The following CORO2B variants were observed in gnomAD, a reference collection of about 807,000 sequenced individuals.
The protein encoded by CORO2B is coronin 2B.
A neutral mutation model predicts 58.8 loss-of-function variants in CORO2B; 26 were observed. The ratio of observed to expected loss-of-function variants is 0.44; its 90% CI spans 0.32 to 0.61. CORO2B has a LOEUF of 0.61. Ranked by LOEUF, CORO2B falls within the 20% of genes least tolerant of loss-of-function variation. CORO2B has a pLI of 0.04. For synonymous variants in CORO2B, 242 were observed against 253.8 expected (o/e 0.95, Z 0.44); for missense variants, 460 against 645.1 (o/e 0.71, Z 3.11).
intron 1 of CORO2B, among the ~76,000 whole-genome samples, chr15:68,595,309 C>T (rs958685610): frequency 3.9e-5 from 6 of 152,256 alleles, no homozygotes; most frequent in African/African-American, 9.6e-5. Flanking sequence ...TCCCTGAGAA[C>T]ACTGGCAGGA....
chr15:68,558,025 G>T, the CORO2B span, among the ~76,000 whole-genome samples: 1 of 151,590 alleles, frequency 6.6e-6, no homozygotes, highest in African/African-American at 2.4e-5. Context: ...TTGGGGCACA[G>T]TTAGGGGATC....
chr15:68,592,743 C>T (rs891389661), intron 1 of CORO2B, among the ~76,000 whole-genome samples: 3 of 152,202 alleles, frequency 2.0e-5, no homozygotes, highest in African/African-American at 4.8e-5. Context: ...ACAGTATGTA[C>T]GGAATGTACA....
intron 3 of CORO2B, among the ~76,000 whole-genome samples, chr15:68,698,582 C>T (rs541475509): frequency 1.5e-4 from 23 of 152,324 alleles, no homozygotes; most frequent in Admixed American, 1.1e-3. Flanking sequence ...TGACAGACCA[C>T]GGTATGCCTT....
At chr15:68,574,991 C>T (rs904683319), upstream of CORO2B, among the ~76,000 whole-genome samples, 3 of 152,196 alleles carry the variant, frequency 2.0e-5, no homozygotes, top group Non-Finnish European at 4.4e-5. Flanking sequence ...ACAATGTGTA[C>T]CGTATCCCCT....
chr15:68,711,812 G>T lies in CORO2B; in HGVS notation c.648+106G>T, dbSNP rs1892925442. On this transcript the variant is annotated intron_variant, in intron 5 of 11. Transcript: ENST00000261861. ...GGCTGTGCCAGCCCCCTTCTCCAGT[G>T]CATCTCACTGCACCTCTGTTGAACA... The T allele has an allele frequency of 3.2e-6, 4 of 1,261,112 alleles. No homozygotes were observed. The Admixed American group carries it at 6.7e-5, about 21-fold the overall frequency. 78.1% of individuals were successfully genotyped at this position (1,261,112 alleles called of 1,614,324 possible). A position where few individuals can be genotyped will look rare whatever the true frequency, so the allele number is the denominator to read the frequency against.
At chr15:68,711,299 T>A (rs992311128) in intron 4 of CORO2B, among the ~76,000 whole-genome samples, 1 of 152,172 alleles carries the variant, frequency 6.6e-6, no homozygotes, top group African/African-American at 2.4e-5. Context: ...CATGTATCCT[T>A]CTTGCTCTTC....
intron 2 of CORO2B, among the ~76,000 whole-genome samples, chr15:68,683,797 AGCCTGGTG>A (rs1234163772): frequency 3.9e-5 from 6 of 152,330 alleles, no homozygotes; most frequent in Admixed American, 1.3e-4. Context: ...TGGTGCTCAC[AGCCTGGTG>A]GCAGGGATGA....
chr15:68,616,914 TAA>T (rs1900374915), intron 1 of CORO2B, among the ~76,000 whole-genome samples: 1 of 152,180 alleles, frequency 6.6e-6, no homozygotes, highest in Non-Finnish European at 1.5e-5. Flanking sequence ...TGCCTGAGGA[TAA>T]AACAAAGGGT....
At chr15:68,701,724 T>C (rs1473701498) in intron 3 of CORO2B, among the ~76,000 whole-genome samples, 1 of 152,058 alleles carries the variant, frequency 6.6e-6, no homozygotes, top group Non-Finnish European at 1.5e-5. Flanking sequence ...GACCTCGTGA[T>C]CTGCCCGCCT....
the CORO2B span, among the ~76,000 whole-genome samples, chr15:68,520,098 C>T: frequency 1.1e-4 from 16 of 152,106 alleles, no homozygotes; most frequent in African/African-American, 3.9e-4. Flanking sequence ...CTTTCATTAT[C>T]GATTCCTAGA....
At chr15:68,640,862 C>CA (rs1207173094) in intron 1 of CORO2B, among the ~76,000 whole-genome samples, 2 of 152,176 alleles carry the variant, frequency 1.3e-5, no homozygotes, top group African/African-American at 4.8e-5. Flanking sequence ...GGAGGAGGAG[C>CA]AACTGGTGCT....
chr15:68,603,747 A>G (rs1900039755), intron 1 of CORO2B, among the ~76,000 whole-genome samples: 2 of 152,202 alleles, frequency 1.3e-5, no homozygotes, highest in East Asian at 1.9e-4. Flanking sequence ...AGGCCTCACC[A>G]GAAACCAACC....
intron 2 of CORO2B, among the ~76,000 whole-genome samples, chr15:68,685,748 T>C (rs1054371144): frequency 3.9e-5 from 4 of 102,564 alleles, no homozygotes; most frequent in Non-Finnish European, 8.5e-5. Flanking sequence ...TGGGATTAAA[T>C]TGATATTTAA....
rs1451103561 is a variant in CORO2B at position 68,579,179 on chromosome 15, G to T, written c.-84G>T. On this transcript the variant is annotated 5_prime_UTR_variant, in exon 1 of 12. Coordinates refer to ENST00000261861, the MANE Select transcript of CORO2B (RefSeq NM_006091.5). Reference sequence around the variant, plus strand: ...GCGGGGAGCGAGCCGGGAGCTGCCGGACCCCCTTCCGCCGCCGCCCCGGGC... The same window carrying T: ...GCGGGGAGCGAGCCGGGAGCTGCCGTACCCCCTTCCGCCGCCGCCCCGGGC... 2 of 984,460 alleles carry T rather than the reference G, an allele frequency of 2.0e-6. No homozygotes were observed. The highest frequency in any genetic ancestry group is 3.5e-5 in the African/African-American group (2 of 56,390). 61.0% of individuals were successfully genotyped at this position (984,460 alleles called of 1,614,324 possible). A position where few individuals can be genotyped will look rare whatever the true frequency, so the allele number is the denominator to read the frequency against.
chr15:68,634,192 A>G (rs968491903), intron 1 of CORO2B, among the ~76,000 whole-genome samples: 48 of 152,372 alleles, frequency 3.2e-4, no homozygotes, highest in African/African-American at 1.0e-3. Context: ...GCTGAAAACC[A>G]GAAGTCCTGG....
intron 2 of CORO2B, among the ~76,000 whole-genome samples, chr15:68,675,981 T>TAGAATAGAATAGAATAA: frequency 1.3e-5 from 2 of 148,186 alleles, no homozygotes; most frequent in East Asian, 3.9e-4. Context: ...GAATAGAATA[T>TAGAATAGAATAGAATAA]AGAATAGAAT....
At chr15:68,630,786 C>G (rs563260794) in intron 1 of CORO2B, among the ~76,000 whole-genome samples, 1 of 152,172 alleles carries the variant, frequency 6.6e-6, no homozygotes, top group Non-Finnish European at 1.5e-5. Flanking sequence ...TCTGTCTTCT[C>G]ATCATTTTGG....
chr15:68,575,887 G>A (rs1899274448), upstream of CORO2B, among the ~76,000 whole-genome samples: 1 of 150,876 alleles, frequency 6.6e-6, no homozygotes, highest in Admixed American at 6.6e-5. Context: ...GGGTGTGGTG[G>A]CTCACACCTG....
intron 2 of CORO2B, among the ~76,000 whole-genome samples, chr15:68,692,444 G>A (rs1399974670): frequency 6.6e-6 from 1 of 151,708 alleles, no homozygotes; most frequent in East Asian, 2.0e-4. Context: ...AATTAGCTGG[G>A]CATGATGGCT....
Sources: gnomAD v4.1 joint callset for allele counts (sites outside exome capture counted in the v4.1 genomes callset) on GRCh38, gnomAD v4.1.1 for gene constraint, MANE v1.5 for transcripts, NCBI Gene and HGNC (gene_info 2026-07-23, HGNC 2026-07-21) for gene names.